The following SLCO1A2 variants were observed in gnomAD, a reference collection of about 807,000 sequenced individuals.
SLCO1A2 encodes the protein solute carrier organic anion transporter family member 1A2.
A neutral mutation model predicts 69.0 loss-of-function variants in SLCO1A2; 67 were observed. That is an observed-to-expected ratio of 0.97 (90% CI 0.80 to 1.19). SLCO1A2 has a LOEUF of 1.19. SLCO1A2 is among the 50% of genes most tolerant of loss of function. The probability of loss-of-function intolerance (pLI) is 0.00; values close to 1 mark genes in which losing one functional copy is unlikely to be tolerated. For missense variants in SLCO1A2, 787 were observed against 793.7 expected (o/e 0.99, Z 0.10); for synonymous variants, 260 against 265.9 (o/e 0.98, Z 0.22).
rs1190111588 is a variant in SLCO1A2 at position 21,334,579 on chromosome 12, A to G, written c.60+9T>C. ...CATGCACATATATCCACATACAAAA[A>G]TTCCATACCTTCAACTTGGAAAGAC... On this transcript the variant is annotated intron_variant, in intron 2 of 14. Coordinates refer to ENST00000683939, the MANE Select transcript of SLCO1A2 (RefSeq NM_001386879.1). The G allele has an allele frequency of 6.2e-7, 1 of 1,603,722 alleles. No individual in the cohort carries two copies. Among genetic ancestry groups the G allele is most frequent in the Non-Finnish European group, 8.5e-7 (1 of 1,173,358 alleles).
intron 4 of SLCO1A2, among the ~76,000 whole-genome samples, chr12:21,312,603 G>A (rs923073292): frequency 6.6e-6 from 1 of 152,122 alleles, no homozygotes; most frequent in African/African-American, 2.4e-5. Flanking sequence ...AGTGAGAAAT[G>A]TGCAACTCTT....
chr12:21,295,128 A>G (rs2136344317), intron 10 of SLCO1A2: 1 of 152,460 alleles, frequency 6.6e-6, no homozygotes, highest in Admixed American at 6.5e-5. Context: ...GAAATATATG[A>G]ATTATGTATT....
intron 4 of SLCO1A2, among the ~76,000 whole-genome samples, chr12:21,313,753 G>A (rs868697976): frequency 6.6e-6 from 1 of 151,628 alleles, no homozygotes; most frequent in African/African-American, 2.4e-5. Flanking sequence ...GGCGGGTCAC[G>A]AGGTTAGGAG....
intron 2 of SLCO1A2, chr12:21,319,314 T>C (rs1951283399): frequency 1.5e-6 from 2 of 1,357,238 alleles, no homozygotes; most frequent in Admixed American, 3.8e-5. Context: ...ACAAAGACAT[T>C]ATTTCGGTAG....
chr12:21,383,677 T>C (rs1170472323), intron 1 of SLCO1A2, among the ~76,000 whole-genome samples: 2 of 152,114 alleles, frequency 1.3e-5, no homozygotes, highest in Admixed American at 6.5e-5. Flanking sequence ...TCACTGAACA[T>C]GTTTAGTGAG....
At chr12:21,361,748 G>T (rs1049137745) in intron 2 of SLCO1A2, among the ~76,000 whole-genome samples, 1 of 152,208 alleles carries the variant, frequency 6.6e-6, no homozygotes, top group East Asian at 1.9e-4. Flanking sequence ...CGTGACGCAT[G>T]TACAAGCTTC....
In SLCO1A2 at chr12:21,295,582, T is replaced by C. The variant is rs1233120148; in HGVS notation, c.1271+15A>G. 1 of 1,480,742 alleles carries C rather than the reference T, an allele frequency of 6.8e-7. No individual in the cohort carries two copies. The highest frequency in any genetic ancestry group is 9.3e-7 in the Non-Finnish European group (1 of 1,069,878). 91.7% of individuals were successfully genotyped at this position (1,480,742 alleles called of 1,614,324 possible). The stretch of plus-strand genomic sequence containing the variant: ...TTTGTTGAAAGATTCTCACATTCAT[T>C]AGAAAACAACATACCCTTCATAAGA... On this transcript the variant is annotated intron_variant, in intron 10 of 14. Transcript: ENST00000683939.
upstream of SLCO1A2, among the ~76,000 whole-genome samples, chr12:21,398,522 T>C (rs1941563078): frequency 6.6e-6 from 1 of 151,578 alleles, no homozygotes; most frequent in Admixed American, 6.6e-5. Context: ...CTAACTCATT[T>C]TATGAGGCCA....
intron 12 of SLCO1A2, among the ~76,000 whole-genome samples, chr12:21,278,280 G>C (rs1372612676): frequency 1.3e-5 from 2 of 152,140 alleles, no homozygotes; most frequent in East Asian, 3.9e-4. Flanking sequence ...CCAGGCTCCT[G>C]GATGGCATCT....
chr12:21,352,451 G>A (rs1390519472), intron 2 of SLCO1A2, among the ~76,000 whole-genome samples: 3 of 152,132 alleles, frequency 2.0e-5, no homozygotes, highest in Non-Finnish European at 2.9e-5. Context: ...TCATCTGATC[G>A]AGGAATCCTC....
chr12:21,283,052 C>G (rs1273326708), intron 12 of SLCO1A2, among the ~76,000 whole-genome samples: 1 of 151,934 alleles, frequency 6.6e-6, no homozygotes, highest in African/African-American at 2.4e-5. Flanking sequence ...AATGACATTC[C>G]CCACAGAAAT....
At chr12:21,362,639 G>T (rs1939010690) in intron 2 of SLCO1A2, among the ~76,000 whole-genome samples, 1 of 152,142 alleles carries the variant, frequency 6.6e-6, no homozygotes, top group Admixed American at 6.5e-5. Flanking sequence ...ATCAGTGTGT[G>T]GTATTCAGGA....
At chr12:21,303,640 G>A (rs1435361933) in intron 6 of SLCO1A2, among the ~76,000 whole-genome samples, 1 of 152,136 alleles carries the variant, frequency 6.6e-6, no homozygotes, top group Non-Finnish European at 1.5e-5. Flanking sequence ...AGCAAGTCGT[G>A]CATAATAAAT....
chr12:21,323,572 A>G (rs530643534), intron 2 of SLCO1A2, among the ~76,000 whole-genome samples: 13 of 152,270 alleles, frequency 8.5e-5, no homozygotes, highest in Admixed American at 8.5e-4. Context: ...GTGAGTCTCA[A>G]AAAAAGAAAT....
chr12:21,388,632 A>G (rs1421881412), intron 1 of SLCO1A2, among the ~76,000 whole-genome samples: 2 of 152,180 alleles, frequency 1.3e-5, no homozygotes, highest in Non-Finnish European at 2.9e-5. Flanking sequence ...TCTTTATAGC[A>G]GTATGAAAAT....
intron 1 of SLCO1A2, among the ~76,000 whole-genome samples, chr12:21,405,809 G>A (rs556267923): frequency 1.0e-3 from 158 of 152,326 alleles, no homozygotes; most frequent in African/African-American, 3.6e-3. Flanking sequence ...GGAGAAACAA[G>A]ATGCAATGCT....
chr12:21,418,201 T>C (rs905344352), upstream of SLCO1A2, among the ~76,000 whole-genome samples: 2 of 152,172 alleles, frequency 1.3e-5, no homozygotes, highest in Non-Finnish European at 2.9e-5. Context: ...GTGGTGCCCC[T>C]GGATATCAAT....
intron 1 of SLCO1A2, among the ~76,000 whole-genome samples, chr12:21,385,840 C>G (rs552192483): frequency 2.6e-5 from 4 of 152,294 alleles, no homozygotes; most frequent in Non-Finnish European, 5.9e-5. Flanking sequence ...CTTCATCAGC[C>G]TTCTGAAAAC....
Position 21,304,542 on chromosome 12 carries a change from C to G in SLCO1A2, c.474G>C (p.Trp158Cys). Residue 158 changes from tryptophan to cysteine, a missense_variant, in exon 6 of 15, where the codon TGG (tryptophan) becomes TGC (cysteine). Coordinates refer to ENST00000683939, the MANE Select transcript of SLCO1A2 (RefSeq NM_001386879.1). ...ECTKEVKSLM[W>C]VYVLVGNIVR... The stretch of plus-strand genomic sequence containing the variant: ...CAATATTGCCTACTAGGACGTACAC[C>G]CACATTAATGATTTAACTTCCTTTG... 1.2e-6 allele frequency: 2 copies of G among 1,612,160 alleles called. No individual in the cohort carries two copies. Among genetic ancestry groups the G allele is most frequent in the Non-Finnish European group, 8.5e-7 (1 of 1,179,052 alleles).
Sources: gnomAD v4.1 joint callset for allele counts (sites outside exome capture counted in the v4.1 genomes callset) on GRCh38, gnomAD v4.1.1 for gene constraint, MANE v1.5 for transcripts, NCBI Gene and HGNC (gene_info 2026-07-23, HGNC 2026-07-21) for gene names.